DCAF8L2: variants seen among roughly 807,000 people sequenced by gnomAD.
DCAF8L2 encodes the protein DDB1 and CUL4 associated factor 8 like 2.
For synonymous variants in DCAF8L2, 200 were observed against 190.9 expected (o/e 1.05, Z -0.39); for missense variants, 430 against 490.7 (o/e 0.88, Z 1.17).
the DCAF8L2 span, among the ~76,000 whole-genome samples, chrX:27,547,879 C>CTCTCTCTT: frequency 3.1e-5 from 2 of 65,391 alleles, no homozygotes; most frequent in African/African-American, 5.9e-5. Flanking sequence ...CTTTCTCTCT[C>CTCTCTCTT]TCTCTCTCTC....
chrX:27,536,302 G>C, the DCAF8L2 span, among the ~76,000 whole-genome samples: 2 of 112,821 alleles, frequency 1.8e-5, no homozygotes, highest in South Asian at 7.2e-4. Flanking sequence ...GGCCAGGACT[G>C]TTTATAAGGT....
Position 27,637,758 on chromosome X carries a change from A to G in DCAF8L2, c.-220+5758A>G, listed in dbSNP as rs180771624. The stretch of plus-strand genomic sequence containing the variant: ...TTTAATGAAAAGCAATAACTGGCTC[A>G]TAACACAGAGTCATACTTTTGTTCT... On this transcript the variant is annotated intron_variant, in intron 2 of 4. Transcript: ENST00000451261. 3.3e-3 allele frequency among the ~76,000 whole-genome samples: 341 copies of G among 104,003 alleles called. 1 individual carries two copies. Among genetic ancestry groups the G allele is most frequent in the African/African-American group, 0.011 (321 of 28,194 alleles). 90.3% of individuals were successfully genotyped at this position (104,003 alleles called of 115,157 possible).
the DCAF8L2 span, among the ~76,000 whole-genome samples, chrX:27,538,982 C>A: frequency 8.9e-6 from 1 of 111,982 alleles, no homozygotes; most frequent in Admixed American, 9.5e-5. Flanking sequence ...TGAAAGTATA[C>A]CAATACTGAT....
At chrX:27,553,662 T>C in the DCAF8L2 span, among the ~76,000 whole-genome samples, 1 of 111,761 alleles carries the variant, frequency 8.9e-6, no homozygotes, top group East Asian at 2.8e-4. Flanking sequence ...AGTGAATTTC[T>C]TGACTCAATG....
At chrX:27,737,996 T>C (rs1182672905) in intron 4 of DCAF8L2, among the ~76,000 whole-genome samples, 1 of 111,732 alleles carries the variant, frequency 8.9e-6, no homozygotes, top group Non-Finnish European at 1.9e-5. Flanking sequence ...ATACAGCATT[T>C]TAGAAATGAT....
the DCAF8L2 span, among the ~76,000 whole-genome samples, chrX:27,559,705 G>A: frequency 0.43 from 47,446 of 110,087 alleles, 8,688 homozygotes; most frequent in South Asian, 0.66. Context: ...ACCTCAACTA[G>A]TCAGGTAGGT....
chrX:27,624,968 G>A (rs1269033261), intron 1 of DCAF8L2, among the ~76,000 whole-genome samples: 4 of 111,847 alleles, frequency 3.6e-5, no homozygotes, highest in Middle Eastern at 4.2e-3. Flanking sequence ...GATGCCAAAA[G>A]CAATTGTGAC....
rs966751630 is a variant in DCAF8L2 at position 27,617,818 on chromosome X, C to T, written c.-341-14061C>T. Among the ~76,000 whole-genome samples the T allele has an allele frequency of 2.7e-5, 3 of 111,336 alleles. No homozygotes were observed. In the South Asian group the frequency reaches 1.1e-3, roughly 41 times the overall value. The stretch of plus-strand genomic sequence containing the variant: ...TAGACAATAAATAAAGTGATTGCCA[C>T]CCTTTATGGGACAGAGGAACTAGAT... On this transcript the variant is annotated intron_variant, in intron 1 of 4. Transcript: ENST00000451261.
chrX:27,524,482 T>C, the DCAF8L2 span, among the ~76,000 whole-genome samples: 2 of 111,348 alleles, frequency 1.8e-5, no homozygotes, highest in Non-Finnish European at 3.8e-5. Context: ...AAAAACCAGC[T>C]CCTGGATTCA....
At chrX:27,484,102 T>C in the DCAF8L2 span, among the ~76,000 whole-genome samples, 1 of 111,588 alleles carries the variant, frequency 9.0e-6, no homozygotes, top group Admixed American at 9.6e-5. Flanking sequence ...TATCTTAGCA[T>C]TGCAGATCAC....
At chrX:27,568,123 G>A in the DCAF8L2 span, among the ~76,000 whole-genome samples, 1 of 111,207 alleles carries the variant, frequency 9.0e-6, no homozygotes, top group East Asian at 2.8e-4. Flanking sequence ...TTTTAATCTG[G>A]TCTGTTGGAG....
chrX:27,575,913 T>C, the DCAF8L2 span, among the ~76,000 whole-genome samples: 2 of 112,112 alleles, frequency 1.8e-5, no homozygotes, highest in East Asian at 5.6e-4. Context: ...GCTTTATGTA[T>C]TCAATACACT....
At chrX:27,630,492 G>C (rs1027759765) in intron 1 of DCAF8L2, among the ~76,000 whole-genome samples, 1 of 109,021 alleles carries the variant, frequency 9.2e-6, no homozygotes, top group Non-Finnish European at 1.9e-5. Context: ...ATGCTGAAGA[G>C]AGGGGGAGAC....
At chrX:27,475,603 T>A in the DCAF8L2 span, among the ~76,000 whole-genome samples, 15 of 111,933 alleles carry the variant, frequency 1.3e-4, no homozygotes, top group Non-Finnish European at 2.1e-4. Flanking sequence ...TACCTCAGTT[T>A]CCTTTGTGAT....
intron 4 of DCAF8L2, among the ~76,000 whole-genome samples, chrX:27,716,730 T>C (rs1378508045): frequency 8.9e-6 from 1 of 112,333 alleles, no homozygotes; most frequent in Non-Finnish European, 1.9e-5. Context: ...TTACAGTTAT[T>C]CTTTTTTTAT....
chrX:27,512,616 G>A, the DCAF8L2 span, among the ~76,000 whole-genome samples: 5 of 103,894 alleles, frequency 4.8e-5, no homozygotes, highest in Admixed American at 1.0e-4. Flanking sequence ...CCTGGCAGGC[G>A]GAAGTTGCAG....
chrX:27,646,810 G>T (rs1007347402), intron 2 of DCAF8L2, among the ~76,000 whole-genome samples: 36 of 111,451 alleles, frequency 3.2e-4, no homozygotes, highest in African/African-American at 1.0e-3. Context: ...ATGAAAAAAA[G>T]CTCAACATAA....
chrX:27,511,913 G>GCAA, the DCAF8L2 span, among the ~76,000 whole-genome samples: 3 of 111,328 alleles, frequency 2.7e-5, no homozygotes, highest in East Asian at 5.6e-4. Context: ...ATTTACAATA[G>GCAA]CAACAACAAC....
At chrX:27,648,601 C>T (rs1010429080) in intron 2 of DCAF8L2, among the ~76,000 whole-genome samples, 2 of 108,588 alleles carry the variant, frequency 1.8e-5, no homozygotes, top group Non-Finnish European at 3.8e-5. Context: ...ATATCATGAA[C>T]AAAAATATGC....
Sources: allele counts gnomAD v4.1 joint callset (sites outside exome capture counted in the v4.1 genomes callset), GRCh38; gene constraint gnomAD v4.1.1; transcripts MANE v1.5; gene names NCBI Gene and HGNC (gene_info 2026-07-23, HGNC 2026-07-21).